The following KRT33B variants were observed in gnomAD, a reference collection of about 807,000 sequenced individuals.
KRT33B encodes keratin, type I cuticular Ha3-II.
In KRT33B, 37 loss-of-function variants were observed where a neutral mutation model predicts 42.7. The observed-to-expected ratio is 0.87, with a 90% CI of 0.67 to 1.14. KRT33B has a LOEUF of 1.14. Among genes scored for constraint, KRT33B ranks in the 50% most tolerant of loss-of-function variants. The pLI is 0.00. For synonymous variants in KRT33B, 237 were observed against 221.2 expected, an observed-to-expected ratio of 1.07 and a Z score of -0.63; for missense variants, 523 against 515.1, an observed-to-expected ratio of 1.02 and a Z score of -0.15.
Position 41,369,607 on chromosome 17 carries a change from G to A in KRT33B, c.144C>T (p.Cys48=), listed in dbSNP as rs183730836. The A allele has an allele frequency of 3.5e-5, 56 of 1,613,516 alleles. 1 individual carries two copies. Among genetic ancestry groups the A allele is most frequent in the Admixed American group, 2.8e-4 (17 of 60,030 alleles). Residue 48 remains cysteine, a synonymous_variant, in exon 1 of 7, where the codon TGC becomes TGT. Coordinates refer to ENST00000251646, the MANE Select transcript of KRT33B (RefSeq NM_002279.5). ...TCTCGCTGCCATTGAAGGAGCCCTC[G>A]CAGAACCAGTTGCAGTTGCTCACAT... is the stretch of plus-strand genomic sequence containing the variant. ...PANVSNCNWF[C]EGSFNGSEKE...
chr17:41,369,559 G>C lies in KRT33B; in HGVS notation c.192C>G (p.Asn64Lys). 2 of 1,613,956 alleles carry C rather than the reference G, an allele frequency of 1.2e-6. No individual in the cohort carries two copies. Among genetic ancestry groups the C allele is most frequent in the South Asian group, 1.1e-5 (1 of 91,080 alleles). Residue 64 changes from asparagine (N) to lysine (K), a missense_variant, in exon 1 of 7, where the codon AAC (asparagine) becomes AAG (lysine). Physicochemically the swap from Asn to Lys is moderately conservative, Grantham distance 94. Transcript: ENST00000251646. ...TCTCCAGGTAGCTGGCCAGGCGGTC[G>C]TTCAGGAACTGCATAGTCTCCTTCT... ...GSEKETMQFLNDRLASYLEKV... is the reference protein window; with the variant it reads ...GSEKETMQFLKDRLASYLEKV...
In KRT33B at chr17:41,369,504, C is replaced by A. The variant is rs778321700; in HGVS notation, c.247G>T (p.Glu83Ter). ...CGCTCCCGGATGAGGTTCTCCAGCTCCGCGTTGTCCCGCTCCAGCTGACGC... is the reference window on the plus strand; with the variant it reads ...CGCTCCCGGATGAGGTTCTCCAGCTACGCGTTGTCCCGCTCCAGCTGACGC... ...KVRQLERDNAELENLIRERSQ... is the reference protein window; with the variant it reads ...KVRQLERDNA Residue 83 changes from glutamate to a stop codon, truncating the protein, a stop_gained, in exon 1 of 7, where the codon GAG becomes TAG. Coordinates refer to ENST00000251646, the MANE Select transcript of KRT33B (RefSeq NM_002279.5). LOFTEE classifies it high-confidence loss of function. The A allele has an allele frequency of 1.2e-6, 2 of 1,614,020 alleles. No individual in the cohort carries two copies. Among genetic ancestry groups the A allele is most frequent in the Admixed American group, 3.3e-5 (2 of 60,028 alleles).
At chr17:41,364,075 T>C in intron 6 of KRT33B, 122 bp from the exon 7 acceptor site, 1 of 662,608 alleles carries the variant, frequency 1.5e-6, no homozygotes, top group Middle Eastern at 3.7e-4. Flanking sequence ...AGCCATGCCT[T>C]GTTTGGATCA....
rs71373411 is a variant in KRT33B, at chr17:41,364,996, A to C, written c.880T>G (p.Tyr294Asp). ...TCTGTCAGCGTGTTTTCCAGAGAGT[A>C]TCGCTGTGGTGGGAAAGATCAGGAA... Reference protein sequence around the residue: ...IELQAQHNLRYSLENTLTESE... With the variant: ...IELQAQHNLRDSLENTLTESE... The change falls in exon 6 of 7, where the codon TAC (tyrosine) becomes GAC (aspartate). Residue 294 changes from tyrosine to aspartate, a missense_variant. By Grantham distance (160) the Tyr-to-Asp change is radical (BLOSUM62 -3). Coordinates refer to ENST00000251646, the MANE Select transcript of KRT33B (RefSeq NM_002279.5). 144,284 of 1,612,872 alleles carry C rather than the reference A, an allele frequency of 0.089. 10,279 individuals are homozygous for C. The highest frequency in any genetic ancestry group is 0.33 in the African/African-American group (24,141 of 73,878).
At chr17:41,366,661 A>C in intron 2 of KRT33B, 35 bp from the exon 3 acceptor site, 2 of 1,533,930 alleles carry the variant, frequency 1.3e-6, no homozygotes, top group Non-Finnish European at 1.8e-6. Context: ...AGAGGTCCAA[A>C]AAAAAAAAGT....
intron 2 of KRT33B, 45 bp from the exon 3 acceptor site, chr17:41,366,671 T>A (rs776195498): frequency 6.6e-7 from 1 of 1,504,176 alleles, no homozygotes; most frequent in South Asian, 1.3e-5. Context: ...AAAAAAAAAG[T>A]CTTTGTTTCC....
chr17:41,367,761 A>T, intron 2 of KRT33B, 147 bp downstream of exon 2: 1 of 610,444 alleles, frequency 1.6e-6, no homozygotes, highest in Non-Finnish European at 2.9e-6. Flanking sequence ...CCTATTGAAG[A>T]GGCTTTGACA....
At position 41,365,523 on chromosome 17, in the gene KRT33B, C is replaced by T; in HGVS notation, c.619G>A (p.Asp207Asn). 6.2e-7 allele frequency: 1 copy of T among 1,612,056 alleles called. No individual in the cohort carries two copies. The highest frequency in any genetic ancestry group is 8.5e-7 in the Non-Finnish European group (1 of 1,179,842). Reference sequence around the variant, plus strand: ...GCGTCCACCTCCACGTTGAGGCGGTCTCCAAGCTGGCAGCGCAAGGTGTTG... The same window carrying T: ...GCGTCCACCTCCACGTTGAGGCGGTTTCCAAGCTGGCAGCGCAAGGTGTTG... ...EVNTLRCQLG[D>N]RLNVEVDAAP... Residue 207 changes from aspartate (D) to asparagine (N), a missense_variant, in exon 4 of 7, where the codon GAC becomes AAC. Coordinates refer to ENST00000251646, the MANE Select transcript of KRT33B (RefSeq NM_002279.5).
rs34771886 is a variant in KRT33B at position 41,364,890 on chromosome 17, C to T, written c.986G>A (p.Arg329His). Residue 329 changes from arginine (R) to histidine (H), a missense_variant, in exon 6 of 7, where the codon CGC becomes CAC. Coordinates refer to ENST00000251646, the MANE Select transcript of KRT33B (RefSeq NM_002279.5). ...CTGGTTCTGCCGCTCCAGGTCACTGCGGATCTCCGCCAGCTGGGACTCCAC... is the reference window on the plus strand; with the variant it reads ...CTGGTTCTGCCGCTCCAGGTCACTGTGGATCTCCGCCAGCTGGGACTCCAC... Reference protein sequence around the residue: ...TNVESQLAEIRSDLERQNQEY... With the variant: ...TNVESQLAEIHSDLERQNQEY... 0.019 allele frequency: 30,201 copies of T among 1,613,308 alleles called. 330 individuals are homozygous for T. The highest frequency in any genetic ancestry group is 0.021 in the Non-Finnish European group (25,188 of 1,180,036).
rs773026347 is a variant in KRT33B, at chr17:41,365,525, C to G, written c.617G>C (p.Gly206Ala). 3 of 1,612,002 alleles carry G rather than the reference C, an allele frequency of 1.9e-6. No homozygotes were observed. Among genetic ancestry groups the G allele is most frequent in the African/African-American group, 1.4e-5 (1 of 73,830 alleles). The change falls in exon 4 of 7, where the codon GGA becomes GCA. Residue 206 changes from glycine to alanine, a missense_variant. Gly to Ala is a moderately conservative substitution (Grantham distance 60). Transcript: ENST00000251646. ...GTCCACCTCCACGTTGAGGCGGTCT[C>G]CAAGCTGGCAGCGCAAGGTGTTGAC... ...QEVNTLRCQL[G>A]DRLNVEVDAA...
rs2017672040 is a variant in KRT33B at position 41,364,772 on chromosome 17, T to C, written c.1097+7A>G. The C allele has an allele frequency of 6.2e-7, 1 of 1,612,380 alleles. No individual in the cohort carries two copies. The highest frequency in any genetic ancestry group is 1.7e-5 in the Admixed American group (1 of 59,968). ...CCTTGCAGGGGTGCCGTCCGCCAGG[T>C]ACTCACTTGCAGTCCTCGCTCTCCA... On this transcript the variant is annotated splice_region_variant and intron_variant, in intron 6 of 6. Coordinates refer to ENST00000251646, the MANE Select transcript of KRT33B (RefSeq NM_002279.5).
rs756378204 is a variant in KRT33B, at chr17:41,365,599, C to T, written c.589-46G>A. 1.9e-6 allele frequency: 3 copies of T among 1,586,846 alleles called. No homozygotes were observed. In the South Asian group the frequency reaches 3.4e-5, roughly 18 times the overall value. ...AATAAACCCACAGAAAGAAGTCTTT[C>T]AATAACTTCTTTGAGGCAGTTCAAT... On this transcript the variant is annotated intron_variant, in intron 3 of 6. Coordinates refer to ENST00000251646, the MANE Select transcript of KRT33B (RefSeq NM_002279.5).
intron 3 of KRT33B, 138 bp downstream of exon 3, chr17:41,366,332 C>A: frequency 1.0e-6 from 1 of 975,624 alleles, no homozygotes; most frequent in Non-Finnish European, 1.5e-6. Flanking sequence ...CATTCCCCAA[C>A]AAGCCCCAAA....
Position 41,363,861 on chromosome 17 carries a change from C to G in KRT33B, c.1190G>C (p.Gly397Ala), listed in dbSNP as rs757684264. ...CTAGTACCCAAAGGTGTTGCAAGGC[C>G]CACAGCGGGAACGAGGACCACAAGG... ...TNPCGPRSRCGPCNTFGY is the reference protein window; with the variant it reads ...TNPCGPRSRCAPCNTFGY The change falls in exon 7 of 7, where the codon GGG becomes GCG. Residue 397 changes from glycine (G) to alanine (A), a missense_variant. By Grantham distance (60) the Gly-to-Ala change is moderately conservative. Coordinates refer to ENST00000251646, the MANE Select transcript of KRT33B (RefSeq NM_002279.5). The G allele has an allele frequency of 2.1e-5, 34 of 1,610,102 alleles. No individual in the cohort carries two copies. The highest frequency in any genetic ancestry group is 2.7e-5 in the Non-Finnish European group (32 of 1,178,708).
intron 6 of KRT33B, among the ~76,000 whole-genome samples, 195 bp downstream of exon 6, chr17:41,364,584 A>G (rs2017668881): frequency 6.6e-6 from 1 of 151,522 alleles, no homozygotes; most frequent in Non-Finnish European, 1.5e-5. Context: ...TCCCATGACT[A>G]TCTTTTGTAA....
In KRT33B at chr17:41,363,810, C is replaced by T. The variant is rs1223121406; in HGVS notation, c.*26G>A. On this transcript the variant is annotated 3_prime_UTR_variant, in exon 7 of 7. Transcript: ENST00000251646. The stretch of plus-strand genomic sequence containing the variant: ...CACCGATGGTAGTTCTGTCTTCATG[C>T]TATACTTCTGCTGGCCCCAGGGTAT... The T allele has an allele frequency of 1.3e-6, 2 of 1,491,212 alleles. No individual in the cohort carries two copies. Among genetic ancestry groups the T allele is most frequent in the Non-Finnish European group, 1.9e-6 (2 of 1,076,800 alleles). The allele number at this position is 1,491,212 out of a possible 1,614,324, so 92.4% of individuals were successfully genotyped here. A position where few individuals can be genotyped will look rare whatever the true frequency, so the allele number is the denominator to read the frequency against.
intron 3 of KRT33B, 128 bp downstream of exon 3, chr17:41,366,342 A>G (rs181290392): frequency 9.2e-7 from 1 of 1,083,320 alleles, no homozygotes; most frequent in Non-Finnish European, 1.3e-6. Flanking sequence ...CAAGCCCCAA[A>G]GTATGTTTTG....
intron 1 of KRT33B, among the ~76,000 whole-genome samples, chr17:41,368,785 A>T (rs188241612): frequency 1.3e-5 from 2 of 151,406 alleles, no homozygotes; most frequent in African/African-American, 4.9e-5. Context: ...CCCCACTCAG[A>T]CATTGCCTCT....
intron 2 of KRT33B, among the ~76,000 whole-genome samples, chr17:41,367,442 G>A (rs982514248): frequency 3.3e-5 from 5 of 151,400 alleles, no homozygotes; most frequent in South Asian, 4.1e-4. Context: ...AGTGGCTCAC[G>A]CCTGTAATCC....
Sources: allele counts gnomAD v4.1 joint callset (sites outside exome capture counted in the v4.1 genomes callset), GRCh38; gene constraint gnomAD v4.1.1; transcripts MANE v1.5; gene names NCBI Gene and HGNC (gene_info 2026-07-23, HGNC 2026-07-21).